The following TTC21B variants were observed in gnomAD, a reference collection of about 807,000 sequenced individuals.
TTC21B encodes the protein tetratricopeptide repeat protein 21B.
In TTC21B, 127 loss-of-function variants were observed where a neutral mutation model predicts 175.1. That is an observed-to-expected ratio of 0.73 (90% CI 0.63 to 0.84). TTC21B has a LOEUF of 0.84. Among genes scored for constraint, TTC21B ranks in the 40% least tolerant of loss-of-function variants. The pLI is 0.00. For missense variants in TTC21B, 1,561 were observed against 1,558.3 expected, an observed-to-expected ratio of 1.00 and a Z score of -0.03; for synonymous variants, 524 against 524.5, an observed-to-expected ratio of 1.00 and a Z score of 0.01.
At chr2:165,911,045 A>G (rs866255185) in intron 18 of TTC21B, among the ~76,000 whole-genome samples, 3 of 152,166 alleles carry the variant, frequency 2.0e-5, no homozygotes, top group Non-Finnish European at 4.4e-5. Flanking sequence ...CAAAAATGCT[A>G]ATGTGTTTAA....
chr2:165,875,938 A>G (rs1684651471), intron 28 of TTC21B, among the ~76,000 whole-genome samples: 1 of 151,928 alleles, frequency 6.6e-6, no homozygotes. Context: ...TTGTCTTTAA[A>G]TTGACATAAA....
In TTC21B at chr2:165,919,232, A is replaced by C. The variant is rs760200908; in HGVS notation, c.1674+44T>G. On this transcript the variant is annotated intron_variant, in intron 13 of 28. Coordinates refer to ENST00000243344, the MANE Select transcript of TTC21B (RefSeq NM_024753.5). Reference sequence around the variant, plus strand: ...AAAATACTTGAATATGTAAGCTTTCAAGGAGGGTGATATGTCTTATCCACT... The same window carrying C: ...AAAATACTTGAATATGTAAGCTTTCCAGGAGGGTGATATGTCTTATCCACT... The C allele has an allele frequency of 1.9e-6, 3 of 1,604,864 alleles. No homozygotes were observed. In the Admixed American group the frequency reaches 5.0e-5, roughly 27 times the overall value.
chr2:165,911,458 G>A lies in TTC21B; in HGVS notation c.2330C>T (p.Thr777Ile). 6.2e-7 allele frequency: 1 copy of A among 1,613,674 alleles called. No homozygotes were observed. The change falls in exon 18 of 29, where the codon ACT (threonine) becomes ATT (isoleucine). Residue 777 changes from threonine (T) to isoleucine (I), a missense_variant. Coordinates refer to ENST00000243344, the MANE Select transcript of TTC21B (RefSeq NM_024753.5). ...AGTTTTCAGAGCAGCTTCATAGTAA[G>A]TGATTGCCTAAACAAAATTCATTCC... ...IKTHNYSMAI[T>I]YYEAALKTGQ...
chr2:165,929,673 G>A lies in TTC21B; in HGVS notation c.1162C>T (p.Gln388Ter), dbSNP rs1686811023. 6.2e-7 allele frequency: 1 copy of A among 1,612,248 alleles called. No individual in the cohort carries two copies. ...DQQLEFLNEI[Q>*]QSIGKSAELI... Reference sequence around the variant, plus strand: ...ACCGCAGATTTTCCAATGGATTGCTGGATTTCATTTAAAAATTCTAGCTGC... The same window carrying A: ...ACCGCAGATTTTCCAATGGATTGCTAGATTTCATTTAAAAATTCTAGCTGC... Residue 388 changes from glutamine to a stop codon, truncating the protein, a stop_gained, in exon 10 of 29, where the codon CAG becomes TAG. Transcript: ENST00000243344. LOFTEE classifies it high-confidence loss of function.
intron 15 of TTC21B, among the ~76,000 whole-genome samples, chr2:165,914,500 C>CA (rs1686070280): frequency 6.6e-6 from 1 of 152,116 alleles, no homozygotes; most frequent in Non-Finnish European, 1.5e-5. Context: ...AGAATCTGAG[C>CA]AGCTTTTTGA....
intron 8 of TTC21B, 21 bp downstream of exon 8, chr2:165,931,737 G>A: frequency 6.3e-7 from 1 of 1,586,112 alleles, no homozygotes; most frequent in Non-Finnish European, 8.7e-7. Context: ...CAGAGCTCTG[G>A]TACATGGTAG....
Position 165,949,430 on chromosome 2 carries a change from C to A in TTC21B, c.226G>T (p.Ala76Ser), listed in dbSNP as rs1272269691. The A allele has an allele frequency of 5.0e-6, 8 of 1,613,496 alleles. No individual in the cohort carries two copies. The highest frequency in any genetic ancestry group is 5.9e-6 in the Non-Finnish European group (7 of 1,179,738). ...CTCATTTTATGGGCATATATCAGTG[C>A]AAGTAGAGAACAAAGTGATACATCT... ...KQDVSLCSLL[A>S]LIYAHKMSPN... The change falls in exon 3 of 29, where the codon GCA becomes TCA. Residue 76 changes from alanine (A) to serine (S), a missense_variant. Transcript: ENST00000243344.
intron 3 of TTC21B, among the ~76,000 whole-genome samples, chr2:165,947,735 G>GA (rs958552996): frequency 6.6e-6 from 1 of 152,098 alleles, no homozygotes; most frequent in Non-Finnish European, 1.5e-5. Flanking sequence ...ATCCTGGAAG[G>GA]AATGTATACT....
chr2:165,949,181 C>G (rs1687682685), intron 3 of TTC21B: 1 of 561,816 alleles, frequency 1.8e-6, no homozygotes, highest in Admixed American at 3.2e-5. Context: ...GAAACCTCTG[C>G]CAGAGGATAT....
chr2:165,949,846 C>T lies in TTC21B; in HGVS notation c.22-122G>A, dbSNP rs759129078. 8.5e-5 allele frequency: 82 copies of T among 962,820 alleles called. 1 individual carries two copies. Among genetic ancestry groups the T allele is most frequent in the Non-Finnish European group, 1.2e-4 (79 of 643,408 alleles). The allele number at this position is 962,820 out of a possible 1,614,324, so 59.6% of individuals were successfully genotyped here. A position where few individuals can be genotyped will look rare whatever the true frequency, so the allele number is the denominator to read the frequency against. On this transcript the variant is annotated intron_variant, in intron 1 of 28. Transcript: ENST00000243344. ...ATTCAGGCAATGTGACTTTTTTCTT[C>T]CAAGTTTCTTAAAATACTATTAATG...
At chr2:165,915,547 A>G (rs1686137283) in intron 14 of TTC21B, 108 bp from the exon 15 acceptor site, 1 of 957,866 alleles carries the variant, frequency 1.0e-6, no homozygotes, top group Non-Finnish European at 1.6e-6. Context: ...GTACATTTAT[A>G]ATATTTACGA....
chr2:165,898,109 T>C (rs554635198), intron 22 of TTC21B, among the ~76,000 whole-genome samples: 2 of 152,176 alleles, frequency 1.3e-5, no homozygotes, highest in East Asian at 1.9e-4. Context: ...GAGTTAAGAG[T>C]TGATTTTTAT....
chr2:165,925,948 C>A (rs1210698059), intron 11 of TTC21B, among the ~76,000 whole-genome samples: 2 of 152,046 alleles, frequency 1.3e-5, no homozygotes, highest in Non-Finnish European at 2.9e-5. Flanking sequence ...TTATTGAGAA[C>A]AACCATCATT....
intron 20 of TTC21B, 115 bp downstream of exon 20, chr2:165,901,607 G>T: frequency 9.9e-7 from 1 of 1,008,842 alleles, no homozygotes; most frequent in Non-Finnish European, 1.5e-6. Context: ...ATAGGCATCA[G>T]CCACTGCACC....
chr2:165,935,585 C>A (rs1171597794), intron 6 of TTC21B, among the ~76,000 whole-genome samples: 2 of 151,938 alleles, frequency 1.3e-5, no homozygotes, highest in Non-Finnish European at 2.9e-5. Flanking sequence ...TTAAAAAAAA[C>A]TCCTGGAATC....
chr2:165,880,290 C>T (rs942778003), intron 27 of TTC21B, among the ~76,000 whole-genome samples: 1 of 152,016 alleles, frequency 6.6e-6, no homozygotes, highest in East Asian at 1.9e-4. Flanking sequence ...TCGCAATATA[C>T]GTTAGTGTTT....
At chr2:165,953,588 G>A in intron 1 of TTC21B, 97 bp downstream of exon 1, 1 of 1,526,856 alleles carries the variant, frequency 6.5e-7, no homozygotes, top group South Asian at 1.2e-5. Context: ...GCGGCCTAGC[G>A]AAGCCACCCG....
rs1355586418 is a variant in TTC21B at position 165,949,408 on chromosome 2, A to T, written c.248T>A (p.Met83Lys). ...AAATATCATACCTGGATTAGGACTC[A>T]TTTTATGGGCATATATCAGTGCAAG... ...SLLALIYAHK[M>K]SPNPDREAIL... The change falls in exon 3 of 29, where the codon ATG (methionine) becomes AAG (lysine). Residue 83 changes from methionine to lysine, a missense_variant. Met to Lys is a moderately conservative substitution (Grantham distance 95). Coordinates refer to ENST00000243344, the MANE Select transcript of TTC21B (RefSeq NM_024753.5). 5 of 1,611,658 alleles carry T rather than the reference A, an allele frequency of 3.1e-6. No homozygotes were observed. Among genetic ancestry groups the T allele is most frequent in the African/African-American group, 1.3e-5 (1 of 74,876 alleles).
chr2:165,891,573 AAATT>A (rs1685194796), intron 22 of TTC21B, among the ~76,000 whole-genome samples: 1 of 133,952 alleles, frequency 7.5e-6, no homozygotes, highest in Non-Finnish European at 1.6e-5. Context: ...CTTCTAAAAA[AAATT>A]CATTCATTCA....
Sources: allele counts gnomAD v4.1 joint callset (sites outside exome capture counted in the v4.1 genomes callset), GRCh38; gene constraint gnomAD v4.1.1; transcripts MANE v1.5; gene names NCBI Gene and HGNC (gene_info 2026-07-23, HGNC 2026-07-21).